Variants in MYO3B observed in about 807,000 individuals in gnomAD.
MYO3B encodes myosin IIIB.
Under a neutral mutation model 174.6 loss-of-function variants are expected in MYO3B, and 156 were observed. The observed-to-expected ratio is 0.89, with a 90% CI of 0.78 to 1.02. MYO3B has a LOEUF of 1.02. Among genes scored for constraint, MYO3B ranks in the 50% least tolerant of loss-of-function variants. The pLI, the probability that MYO3B is intolerant of heterozygous loss-of-function variation, is 0.00. For missense variants in MYO3B, 1,632 were observed against 1,639.4 expected (o/e 1.00, Z 0.08); for synonymous variants, 563 against 569.1 (o/e 0.99, Z 0.15).
intron 7 of MYO3B, among the ~76,000 whole-genome samples, chr2:170,324,377 A>G (rs904065442): frequency 2.6e-5 from 4 of 152,218 alleles, no homozygotes; most frequent in East Asian, 1.9e-4. Flanking sequence ...TTGAAAAACT[A>G]TGAGTCTTAA....
chr2:170,610,926 T>C (rs1695094369), intron 32 of MYO3B, among the ~76,000 whole-genome samples: 1 of 152,196 alleles, frequency 6.6e-6, no homozygotes, highest in Non-Finnish European at 1.5e-5. Context: ...GCTGGAAATA[T>C]ATTAATATTC....
At chr2:170,597,368 AAAAG>A (rs1352944255) in intron 32 of MYO3B, among the ~76,000 whole-genome samples, 431 of 146,774 alleles carry the variant, frequency 2.9e-3, no homozygotes, top group African/African-American at 0.01. Flanking sequence ...ACTCCATCTC[AAAAG>A]AAAAAAAAAA....
chr2:170,298,778 A>G (rs1020779238), intron 7 of MYO3B, among the ~76,000 whole-genome samples: 6 of 151,720 alleles, frequency 4.0e-5, no homozygotes, highest in Admixed American at 6.6e-5. Context: ...TCTATTTAGG[A>G]TTTATATCTG....
chr2:170,404,147 G>T, intron 19 of MYO3B, 100 bp from the exon 20 acceptor site: 1 of 1,139,904 alleles, frequency 8.8e-7, no homozygotes, highest in East Asian at 2.4e-5. Flanking sequence ...CTTTCCACAT[G>T]CATTCAATGT....
chr2:170,630,334 G>A (rs1030137782), intron 32 of MYO3B, among the ~76,000 whole-genome samples: 9 of 152,204 alleles, frequency 5.9e-5, no homozygotes, highest in African/African-American at 1.7e-4. Flanking sequence ...AAGGCGGCAA[G>A]CCTGGCTGGT....
intron 25 of MYO3B, among the ~76,000 whole-genome samples, chr2:170,471,160 A>G (rs1368734140): frequency 6.6e-6 from 1 of 151,730 alleles, no homozygotes; most frequent in Admixed American, 6.6e-5. Context: ...AAGCAATCTC[A>G]TGCCTCAGCC....
chr2:170,212,359 A>G (rs796880174), intron 3 of MYO3B, among the ~76,000 whole-genome samples: 4 of 152,190 alleles, frequency 2.6e-5, no homozygotes, highest in African/African-American at 9.6e-5. Context: ...CGTCCAGCCG[A>G]CATTCCTGAC....
chr2:170,385,405 G>A lies in MYO3B; in HGVS notation c.1291-784G>A, dbSNP rs936295655. ...ATAAACTGAGGTATGGTTGAAAGGG[G>A]CTCCTTGTGAATAACGAAAGATACT... On this transcript the variant is annotated intron_variant, in intron 12 of 34. Transcript: ENST00000408978. Among the ~76,000 whole-genome samples, 5 of 152,226 alleles carry A rather than the reference G, an allele frequency of 3.3e-5. No homozygotes were observed. The South Asian group carries it at 1.0e-3, about 32-fold the overall frequency.
At chr2:170,250,946 C>T (rs1432691149) in intron 7 of MYO3B, among the ~76,000 whole-genome samples, 3 of 151,744 alleles carry the variant, frequency 2.0e-5, no homozygotes, top group Admixed American at 1.3e-4. Flanking sequence ...CCTTCTGGAG[C>T]CTGGGGTTTG....
intron 7 of MYO3B, among the ~76,000 whole-genome samples, chr2:170,327,860 C>CATATATATATATATATAT (rs201033292): frequency 2.9e-5 from 3 of 102,532 alleles, no homozygotes; most frequent in Admixed American, 1.2e-4. Flanking sequence ...GAATTATTAG[C>CATATATATATATATATAT]ATATATATAT....
At chr2:170,309,719 C>CT (rs35167646) in intron 7 of MYO3B, among the ~76,000 whole-genome samples, 91 of 150,054 alleles carry the variant, frequency 6.1e-4, no homozygotes, top group South Asian at 1.5e-3. Context: ...CTGTAGACAT[C>CT]TTTTTTTTTT....
chr2:170,598,027 T>C (rs1177457338), intron 32 of MYO3B, among the ~76,000 whole-genome samples: 1 of 152,198 alleles, frequency 6.6e-6, no homozygotes, highest in Non-Finnish European at 1.5e-5. Context: ...ATATCTGTTG[T>C]TTAATTACAG....
At chr2:170,635,964 C>A (rs1278968615) in intron 32 of MYO3B, among the ~76,000 whole-genome samples, 2 of 152,108 alleles carry the variant, frequency 1.3e-5, no homozygotes, top group Admixed American at 1.3e-4. Flanking sequence ...TAAGTTGTGT[C>A]AAAAATCACA....
chr2:170,455,332 T>A (rs1683847901), intron 23 of MYO3B, among the ~76,000 whole-genome samples: 1 of 152,218 alleles, frequency 6.6e-6, no homozygotes, highest in African/African-American at 2.4e-5. Context: ...AGAAGCAAGA[T>A]GGAGTCATCA....
intron 22 of MYO3B, among the ~76,000 whole-genome samples, chr2:170,436,263 G>A (rs903552032): frequency 2.6e-5 from 4 of 152,222 alleles, no homozygotes; most frequent in African/African-American, 9.6e-5. Context: ...TGTCTAGGGG[G>A]TGAAGCACTG....
At chr2:170,355,889 A>G (rs1240858327) in intron 8 of MYO3B, among the ~76,000 whole-genome samples, 1 of 151,992 alleles carries the variant, frequency 6.6e-6, no homozygotes, top group Non-Finnish European at 1.5e-5. Flanking sequence ...TGTGTTGGCC[A>G]CCCAGGGAGA....
At chr2:170,457,429 A>C (rs1329546144) in intron 23 of MYO3B, among the ~76,000 whole-genome samples, 1 of 152,174 alleles carries the variant, frequency 6.6e-6, no homozygotes, top group Non-Finnish European at 1.5e-5. Flanking sequence ...CAACTGTACA[A>C]AAATCTTCTT....
chr2:170,646,350 C>T (rs1167220653), intron 32 of MYO3B, among the ~76,000 whole-genome samples: 3 of 151,124 alleles, frequency 2.0e-5, no homozygotes, highest in African/African-American at 7.3e-5. Flanking sequence ...TTCATTGCAA[C>T]GTATTCCTTG....
intron 7 of MYO3B, among the ~76,000 whole-genome samples, chr2:170,302,531 G>T (rs1331154321): frequency 6.6e-6 from 1 of 152,170 alleles, no homozygotes; most frequent in Non-Finnish European, 1.5e-5. Context: ...TAGAGCAGTG[G>T]TTCCCAAACT....
Sources: allele counts gnomAD v4.1 joint callset (sites outside exome capture counted in the v4.1 genomes callset), GRCh38; gene constraint gnomAD v4.1.1; transcripts MANE v1.5; gene names NCBI Gene and HGNC (gene_info 2026-07-23, HGNC 2026-07-21).